The following ASB3 variants were observed in gnomAD, a reference collection of about 807,000 sequenced individuals.
ASB3 encodes ankyrin repeat and SOCS box protein 3.
Under a neutral mutation model 54.5 loss-of-function variants are expected in ASB3, and 41 were observed. That is an observed-to-expected ratio of 0.75 (90% CI 0.59 to 0.98). The LOEUF (loss-of-function observed/expected upper bound fraction) is 0.98. Among genes scored for constraint, ASB3 ranks in the 50% least tolerant of loss-of-function variants. The pLI is 0.00. For synonymous variants in ASB3, 266 were observed against 221.2 expected (o/e 1.20, Z -1.80); for missense variants, 733 against 620.0 (o/e 1.18, Z -1.94).
At chr2:53,714,656 A>G (rs1313832796) in intron 6 of ASB3, 75 bp from the exon 7 acceptor site, 15 of 1,485,646 alleles carry the variant, frequency 1.0e-5, no homozygotes, top group South Asian at 2.5e-5. Context: ...CTATAGCACA[A>G]TTTTTTTCAG....
chr2:53,730,528 A>G (rs1340266488), intron 3 of ASB3, among the ~76,000 whole-genome samples: 1 of 152,186 alleles, frequency 6.6e-6, no homozygotes. Context: ...CCATCTTTAC[A>G]GTAGAATGAT....
At chr2:53,687,698 T>G (rs966552903) in intron 9 of ASB3, among the ~76,000 whole-genome samples, 2 of 152,026 alleles carry the variant, frequency 1.3e-5, no homozygotes, top group African/African-American at 4.8e-5. Context: ...CTTTAAAAAC[T>G]GTAAGTTAGG....
intron 9 of ASB3, among the ~76,000 whole-genome samples, chr2:53,681,644 C>G (rs556999526): frequency 6.6e-6 from 1 of 152,088 alleles, no homozygotes; most frequent in Non-Finnish European, 1.5e-5. Context: ...GTTCTTGGCA[C>G]CTTTGTTGAA....
intron 9 of ASB3, among the ~76,000 whole-genome samples, chr2:53,680,626 G>C (rs1427312178): frequency 2.0e-5 from 3 of 151,480 alleles, no homozygotes; most frequent in African/African-American, 4.9e-5. Context: ...ATATTTATGG[G>C]GTACATGAGA....
At chr2:53,781,554 G>A (rs1674651858) in intron 1 of ASB3, among the ~76,000 whole-genome samples, 1 of 151,938 alleles carries the variant, frequency 6.6e-6, no homozygotes. Context: ...GGAGTACAAT[G>A]GCGCCATCTT....
chr2:53,712,057 T>G lies in ASB3; in HGVS notation c.980+2327A>C, dbSNP rs77093286. ...TAAAAAGCAAACCAAACTGTGGAGT[T>G]CCTTAAAAATACAACTTTGGAGTAC... On this transcript the variant is annotated intron_variant, in intron 7 of 9. Transcript: ENST00000263634. Among the ~76,000 whole-genome samples the G allele has an allele frequency of 8.1e-3, 1,227 of 152,158 alleles. 13 individuals carry two copies. The highest frequency in any genetic ancestry group is 0.028 in the African/African-American group (1,166 of 41,530).
At chr2:53,728,885 A>C in intron 4 of ASB3, 38 bp from the exon 5 acceptor site, 1 of 1,550,162 alleles carries the variant, frequency 6.5e-7, no homozygotes, top group Non-Finnish European at 8.7e-7. Context: ...AGAAAAAAAC[A>C]AAGAAAATAG....
chr2:53,752,452 A>G (rs934503323), intron 2 of ASB3, among the ~76,000 whole-genome samples: 13 of 152,260 alleles, frequency 8.5e-5, no homozygotes, highest in African/African-American at 3.1e-4. Flanking sequence ...TGAAGAGGCC[A>G]GGCTCCTCCC....
chr2:53,682,792 T>C (rs1276954566), intron 9 of ASB3, among the ~76,000 whole-genome samples: 1 of 152,226 alleles, frequency 6.6e-6, no homozygotes. Flanking sequence ...ACTGCTGGCA[T>C]AAATAAATGC....
In ASB3 at chr2:53,728,703, T is replaced by C. The variant is rs1003514397; in HGVS notation, c.604+9A>G. 2 of 1,588,442 alleles carry C rather than the reference T, an allele frequency of 1.3e-6. No individual in the cohort carries two copies. Among genetic ancestry groups the C allele is most frequent in the African/African-American group, 1.4e-5 (1 of 73,924 alleles). On this transcript the variant is annotated intron_variant, in intron 5 of 9. Transcript: ENST00000263634. ...TCTTAACAGTACAAAGGCTAATGGATAATCTTACCCGATGAAATAAGTATG... is the reference window on the plus strand; with the variant it reads ...TCTTAACAGTACAAAGGCTAATGGACAATCTTACCCGATGAAATAAGTATG...
At chr2:53,782,392 C>T (rs991600782) in intron 1 of ASB3, among the ~76,000 whole-genome samples, 2 of 152,054 alleles carry the variant, frequency 1.3e-5, no homozygotes, top group South Asian at 2.1e-4. Context: ...AAGGCTATAG[C>T]AATGTAGAAG....
intron 7 of ASB3, among the ~76,000 whole-genome samples, chr2:53,711,719 A>G (rs1037431331): frequency 2.0e-5 from 3 of 152,108 alleles, no homozygotes; most frequent in Non-Finnish European, 4.4e-5. Context: ...GGTTGCAGTA[A>G]GCCCAGATCG....
At chr2:53,777,961 A>G (rs1674437852) in intron 1 of ASB3, among the ~76,000 whole-genome samples, 1 of 152,104 alleles carries the variant, frequency 6.6e-6, no homozygotes, top group Admixed American at 6.5e-5. Context: ...TGCCTGACCA[A>G]TATGGTGAAA....
chr2:53,783,621 A>G (rs943894175), intron 1 of ASB3, among the ~76,000 whole-genome samples: 1 of 152,334 alleles, frequency 6.6e-6, no homozygotes, highest in Middle Eastern at 3.4e-3. Flanking sequence ...AAAAAGTATG[A>G]TACCTGCAAA....
intron 3 of ASB3, among the ~76,000 whole-genome samples, chr2:53,745,731 G>C (rs1672186901): frequency 3.3e-5 from 5 of 152,208 alleles, no homozygotes; most frequent in Admixed American, 3.3e-4. Context: ...ACATGTAATA[G>C]AGTATAGCTT....
intron 1 of ASB3, among the ~76,000 whole-genome samples, chr2:53,780,970 C>T (rs1181696837): frequency 6.6e-6 from 1 of 152,172 alleles, no homozygotes; most frequent in African/African-American, 2.4e-5. Context: ...TATATTAACT[C>T]ATTTAATCCT....
chr2:53,706,806 A>C (rs1222510483), intron 7 of ASB3, among the ~76,000 whole-genome samples: 1 of 152,192 alleles, frequency 6.6e-6, no homozygotes, highest in African/African-American at 2.4e-5. Context: ...TCTTATGCCC[A>C]ATACTAGTTA....
chr2:53,701,383 T>C (rs1243763621), intron 7 of ASB3, among the ~76,000 whole-genome samples: 1 of 152,202 alleles, frequency 6.6e-6, no homozygotes, highest in East Asian at 1.9e-4. Flanking sequence ...ATGCAAAAAC[T>C]GAAGCTGAGT....
intron 7 of ASB3, among the ~76,000 whole-genome samples, chr2:53,710,166 G>A (rs1016814596): frequency 5.9e-5 from 9 of 152,214 alleles, no homozygotes; most frequent in African/African-American, 2.2e-4. Context: ...AGAAACTCCA[G>A]AAGCTGCATG....
Sources: allele counts gnomAD v4.1 joint callset (sites outside exome capture counted in the v4.1 genomes callset), GRCh38; gene constraint gnomAD v4.1.1; transcripts MANE v1.5; gene names NCBI Gene and HGNC (gene_info 2026-07-23, HGNC 2026-07-21).